The following SCAI variants were observed in gnomAD, a reference collection of about 807,000 sequenced individuals.
SCAI encodes the protein suppressor of cancer cell invasion.
In SCAI, 24 loss-of-function variants were observed where a neutral mutation model predicts 92.2. The ratio of observed to expected loss-of-function variants is 0.26; its 90% CI spans 0.19 to 0.37. SCAI has a LOEUF of 0.37. Among genes scored for constraint, SCAI ranks in the 10% least tolerant of loss-of-function variants. The probability of loss-of-function intolerance (pLI) is 1.00; values close to 1 mark genes in which losing one functional copy is unlikely to be tolerated. For synonymous variants in SCAI, 261 were observed against 258.6 expected, an observed-to-expected ratio of 1.01 and a Z score of -0.09; for missense variants, 450 against 736.2, an observed-to-expected ratio of 0.61 and a Z score of 4.50.
rs545584394 is a variant in SCAI, at chr9:125,014,722, A to G, written c.861+4077T>C. Among the ~76,000 whole-genome samples, 314 of 152,350 alleles carry G rather than the reference A, an allele frequency of 2.1e-3. 1 individual carries two copies. Among genetic ancestry groups the G allele is most frequent in the African/African-American group, 5.5e-3 (227 of 41,572 alleles). ...GAACCAAAAAAGAGCCCGCATCGCC[A>G]AGTCAATCCTAAGCCAAAACAACAA... On this transcript the variant is annotated intron_variant, in intron 9 of 17. Transcript: ENST00000336505.
At chr9:125,097,722 T>C (rs1834587538) in intron 2 of SCAI, among the ~76,000 whole-genome samples, 3 of 151,776 alleles carry the variant, frequency 2.0e-5, no homozygotes, top group African/African-American at 7.2e-5. Context: ...CAAAAGAATA[T>C]TCTTTTGTTA....
chr9:125,107,980 C>T (rs1173617210), intron 2 of SCAI, among the ~76,000 whole-genome samples: 4 of 151,564 alleles, frequency 2.6e-5, no homozygotes, highest in Admixed American at 6.6e-5. Context: ...TGCAGGCGCG[C>T]GCCGCCATGC....
chr9:124,961,733 C>T (rs1244979069), intron 17 of SCAI, among the ~76,000 whole-genome samples: 1 of 151,704 alleles, frequency 6.6e-6, no homozygotes, highest in Non-Finnish European at 1.5e-5. Context: ...ATATAGCTGA[C>T]CCCTGAACAA....
At chr9:125,020,047 T>C (rs1832837748) in intron 7 of SCAI, among the ~76,000 whole-genome samples, 2 of 139,046 alleles carry the variant, frequency 1.4e-5, no homozygotes, top group South Asian at 4.5e-4. Flanking sequence ...GTACTCCAGC[T>C]GGATGACAGA....
At chr9:125,061,938 T>C (rs1301085275) in intron 2 of SCAI, among the ~76,000 whole-genome samples, 1 of 152,030 alleles carries the variant, frequency 6.6e-6, no homozygotes, top group Non-Finnish European at 1.5e-5. Context: ...TGGGTAAATA[T>C]AAGCAAATAT....
At chr9:125,108,812 G>A (rs1834871954) in intron 2 of SCAI, among the ~76,000 whole-genome samples, 1 of 152,180 alleles carries the variant, frequency 6.6e-6, no homozygotes, top group Admixed American at 6.5e-5. Context: ...CTTCTGGGAA[G>A]TGAGGAGCCA....
At chr9:125,027,689 T>C (rs1832990961) in intron 5 of SCAI, among the ~76,000 whole-genome samples, 1 of 152,058 alleles carries the variant, frequency 6.6e-6, no homozygotes, top group South Asian at 2.1e-4. Flanking sequence ...CTTGGCTAAT[T>C]TTTTTGTCTT....
chr9:124,983,754 G>C (rs1831934395), intron 14 of SCAI, among the ~76,000 whole-genome samples: 1 of 152,224 alleles, frequency 6.6e-6, no homozygotes, highest in African/African-American at 2.4e-5. Context: ...AAGGTGACAA[G>C]TGCTACATAT....
rs1379076045 is a variant in SCAI, at chr9:124,951,678, G to A, written c.*1129C>T. On this transcript the variant is annotated 3_prime_UTR_variant, in exon 18 of 18. Transcript: ENST00000336505. The stretch of plus-strand genomic sequence containing the variant: ...AATTGAATGCTGCATAATCAAAAAG[G>A]AGGGAGGACTTCATAGCAAGTGACT... The A allele has an allele frequency of 6.6e-6, 1 of 152,128 alleles. No individual in the cohort carries two copies. Among genetic ancestry groups the A allele is most frequent in the Non-Finnish European group, 1.5e-5 (1 of 68,018 alleles). 9.4% of individuals were successfully genotyped at this position (152,128 alleles called of 1,614,324 possible). A position where few individuals can be genotyped will look rare whatever the true frequency, so the allele number is the denominator to read the frequency against.
rs1453537741 is a variant in SCAI at position 124,950,755 on chromosome 9, A to T, written c.*2052T>A. On this transcript the variant is annotated 3_prime_UTR_variant, in exon 18 of 18. Transcript: ENST00000336505. ...TGAAAGAACAAACAAAAAAATTTTTAAAAAGTAAACAGGCCAGGTACAGTG... is the reference window on the plus strand; with the variant it reads ...TGAAAGAACAAACAAAAAAATTTTTTAAAAGTAAACAGGCCAGGTACAGTG... 6.6e-6 allele frequency: 1 copy of T among 152,206 alleles called. No individual in the cohort carries two copies. The highest frequency in any genetic ancestry group is 1.5e-5 in the Non-Finnish European group (1 of 68,034). 9.4% of individuals were successfully genotyped at this position (152,206 alleles called of 1,614,324 possible).
At chr9:125,075,857 G>C in intron 2 of SCAI, among the ~76,000 whole-genome samples, 1 of 150,936 alleles carries the variant, frequency 6.6e-6, no homozygotes, top group Middle Eastern at 3.4e-3. Context: ...GAGCCACCAC[G>C]CCTGGCCTTG....
chr9:125,122,098 T>C (rs1387121598), intron 2 of SCAI, among the ~76,000 whole-genome samples: 2 of 152,152 alleles, frequency 1.3e-5, no homozygotes, highest in South Asian at 2.1e-4. Context: ...CATTGGTAAA[T>C]ATGTAAGTGA....
chr9:125,124,842 T>C lies in SCAI; in HGVS notation c.98+17791A>G, dbSNP rs1835227554. Among the ~76,000 whole-genome samples the C allele has an allele frequency of 2.0e-5, 3 of 152,138 alleles. No individual in the cohort carries two copies. In the South Asian group the frequency reaches 6.2e-4, roughly 32 times the overall value. On this transcript the variant is annotated intron_variant, in intron 2 of 17. Transcript: ENST00000336505. The stretch of plus-strand genomic sequence containing the variant: ...GGTTGAAAAAGAGTTTAAAGCCTGG[T>C]GAGAGAGAGCAGGCAGAAGAAAACT...
chr9:125,055,358 A>G (rs1013349306), intron 3 of SCAI, among the ~76,000 whole-genome samples: 2 of 152,178 alleles, frequency 1.3e-5, no homozygotes, highest in Non-Finnish European at 2.9e-5. Flanking sequence ...CATAAATAGC[A>G]TGGTTTATAA....
chr9:124,952,233 C>T lies in SCAI; in HGVS notation c.*574G>A, dbSNP rs1564354528. ...CAAGATGTAGCTTTCAGATGCAATT[C>T]AATCCAATTTCTGAAATTATGACAG... On this transcript the variant is annotated 3_prime_UTR_variant, in exon 18 of 18. Transcript: ENST00000336505. The T allele has an allele frequency of 6.6e-6, 1 of 152,162 alleles. No individual in the cohort carries two copies. Among genetic ancestry groups the T allele is most frequent in the Non-Finnish European group, 1.5e-5 (1 of 68,036 alleles). The allele number at this position is 152,162 out of a possible 1,614,324, so 9.4% of individuals were successfully genotyped here. A position where few individuals can be genotyped will look rare whatever the true frequency, so the allele number is the denominator to read the frequency against.
At chr9:125,021,842 G>C (rs1206034790) in intron 6 of SCAI, among the ~76,000 whole-genome samples, 4 of 152,090 alleles carry the variant, frequency 2.6e-5, no homozygotes, top group Admixed American at 2.6e-4. Context: ...CTGGGTTCAA[G>C]GAATCCTCTT....
chr9:125,142,885 C>T (rs1835701915), intron 1 of SCAI, among the ~76,000 whole-genome samples: 1 of 152,046 alleles, frequency 6.6e-6, no homozygotes, highest in Admixed American at 6.6e-5. Flanking sequence ...CCCCAATTCC[C>T]CCTGAGCTCA....
At chr9:125,135,601 C>A (rs1056454459) in intron 2 of SCAI, among the ~76,000 whole-genome samples, 1 of 151,930 alleles carries the variant, frequency 6.6e-6, no homozygotes, top group Non-Finnish European at 1.5e-5. Flanking sequence ...TGCTGTGAAC[C>A]GAGATAGCAT....
chr9:125,136,779 T>G (rs1188108987), intron 2 of SCAI, among the ~76,000 whole-genome samples: 1 of 146,172 alleles, frequency 6.8e-6, no homozygotes, highest in South Asian at 2.2e-4. Context: ...CTTTTTTTTT[T>G]TTTTTTTGAG....
Sources: allele counts gnomAD v4.1 joint callset (sites outside exome capture counted in the v4.1 genomes callset), GRCh38; gene constraint gnomAD v4.1.1; transcripts MANE v1.5; gene names NCBI Gene and HGNC (gene_info 2026-07-23, HGNC 2026-07-21).